Variants in MAD1L1 observed in about 807,000 individuals in gnomAD.
The protein encoded by MAD1L1 is mitotic arrest deficient 1 like 1.
A neutral mutation model predicts 96.9 loss-of-function variants in MAD1L1; 95 were observed. The observed-to-expected ratio is 0.98, with a 90% CI of 0.83 to 1.16. MAD1L1 has a LOEUF of 1.16. MAD1L1 is among the 50% of genes most tolerant of loss of function. The pLI is 0.00. For missense variants in MAD1L1, 1,007 were observed against 954.4 expected, an observed-to-expected ratio of 1.06 and a Z score of -0.73; for synonymous variants, 473 against 396.6, an observed-to-expected ratio of 1.19 and a Z score of -2.29.
In MAD1L1 at chr7:1,904,213, G is replaced by A. The variant is rs529181779; in HGVS notation, c.1808-5823C>T. On this transcript the variant is annotated intron_variant, in intron 17 of 18. Transcript: ENST00000265854. ...AAGCACTGTTCCAGGCAGCGAGCAC[G>A]CAGTGGCCTATTGAAGAAGCTCTTG... 1.9e-3 allele frequency among the ~76,000 whole-genome samples: 272 copies of A among 145,782 alleles called. 3 individuals are homozygous for A. The highest frequency in any genetic ancestry group is 6.9e-3 in the African/African-American group (255 of 37,202).
chr7:2,128,252 C>T (rs891780538), intron 11 of MAD1L1, among the ~76,000 whole-genome samples: 8 of 152,276 alleles, frequency 5.3e-5, no homozygotes, highest in African/African-American at 9.6e-5. Context: ...GTCACTGAAT[C>T]GCATTTGTCA....
chr7:2,176,986 G>A (rs1234413379), intron 10 of MAD1L1, among the ~76,000 whole-genome samples: 1 of 152,220 alleles, frequency 6.6e-6, no homozygotes, highest in African/African-American at 2.4e-5. Context: ...CCTTCTCCAG[G>A]TGAACTGTGA....
chr7:2,221,903 A>G (rs139125992), intron 5 of MAD1L1, among the ~76,000 whole-genome samples: 120 of 152,286 alleles, frequency 7.9e-4, no homozygotes, highest in African/African-American at 2.8e-3. Flanking sequence ...TAGGGACCTT[A>G]TAACCCAGTC....
At chr7:2,143,958 T>C (rs1028945588) in intron 11 of MAD1L1, among the ~76,000 whole-genome samples, 1 of 152,104 alleles carries the variant, frequency 6.6e-6, no homozygotes, top group Non-Finnish European at 1.5e-5. Flanking sequence ...GGAGGATGCC[T>C]GGGGCTTCAA....
chr7:1,860,703 G>A (rs1419695086), intron 18 of MAD1L1, among the ~76,000 whole-genome samples: 1 of 152,166 alleles, frequency 6.6e-6, no homozygotes, highest in East Asian at 1.9e-4. Flanking sequence ...CAGGGAATAA[G>A]GATCCCCTGG....
Position 1,980,465 on chromosome 7 carries a change from G to C in MAD1L1, c.1493C>G (p.Ala498Gly), listed in dbSNP as rs759285462. Residue 498 changes from alanine to glycine, a missense_variant, in exon 15 of 19, where the codon GCG becomes GGG. Coordinates refer to ENST00000265854, the MANE Select transcript of MAD1L1 (RefSeq NM_001013836.2). ...EQSFLFSREE[A>G]DTLRLKVEEL... ...CTGGGGGACGTACCTGAGCGTGTCC[G>C]CCTCCTCCCTGGAGAACAGGAAGCT... 1.9e-6 allele frequency: 3 copies of C among 1,612,114 alleles called. No homozygotes were observed. In the South Asian group the frequency reaches 3.3e-5, roughly 18 times the overall value.
intron 18 of MAD1L1, 41 bp downstream of exon 18, chr7:1,898,157 CAG>C (rs1562501775): frequency 6.4e-7 from 1 of 1,554,450 alleles, no homozygotes; most frequent in Non-Finnish European, 8.7e-7. Context: ...CAGGAGGAGA[CAG>C]AGAGCGAGAC....
intron 14 of MAD1L1, among the ~76,000 whole-genome samples, chr7:1,998,739 C>A (rs1165351120): frequency 4.3e-4 from 58 of 135,048 alleles, no homozygotes; most frequent in African/African-American, 1.6e-3. Context: ...CCCCTGCCAA[C>A]CCCCCGCCAA....
At chr7:2,080,093 G>A (rs573719389) in intron 11 of MAD1L1, 1 of 199,588 alleles carries the variant, frequency 5.0e-6, no homozygotes, top group South Asian at 8.3e-5. Context: ...CCAACAGGCA[G>A]GCAGCAGGCG....
chr7:1,921,272 T>TA, intron 17 of MAD1L1, among the ~76,000 whole-genome samples: 2 of 152,052 alleles, frequency 1.3e-5, no homozygotes, highest in East Asian at 1.9e-4. Context: ...GTAATTTCAG[T>TA]AAAAAATAAA....
intron 18 of MAD1L1, among the ~76,000 whole-genome samples, chr7:1,880,968 G>C (rs1335812070): frequency 6.6e-6 from 1 of 152,242 alleles, no homozygotes; most frequent in East Asian, 1.9e-4. Flanking sequence ...CTGACAGAGG[G>C]CTCTCTAGGC....
chr7:1,834,459 C>T (rs1189351047), intron 18 of MAD1L1, among the ~76,000 whole-genome samples: 1 of 152,126 alleles, frequency 6.6e-6, no homozygotes, highest in Admixed American at 6.5e-5. Flanking sequence ...CACTACAGAT[C>T]CTACAGATGT....
At chr7:2,213,756 G>A (rs967062384) in intron 9 of MAD1L1, among the ~76,000 whole-genome samples, 1 of 152,218 alleles carries the variant, frequency 6.6e-6, no homozygotes, top group Non-Finnish European at 1.5e-5. Flanking sequence ...CCCTAGGAGA[G>A]GAGGGCAGCC....
chr7:1,927,232 G>A (rs929284212), intron 17 of MAD1L1, among the ~76,000 whole-genome samples: 3 of 152,134 alleles, frequency 2.0e-5, no homozygotes, highest in Admixed American at 2.0e-4. Context: ...AAGAAAATAA[G>A]AAGAACGTAA....
At chr7:2,092,483 GC>G (rs1333951715) in intron 11 of MAD1L1, among the ~76,000 whole-genome samples, 1 of 151,400 alleles carries the variant, frequency 6.6e-6, no homozygotes, top group African/African-American at 2.4e-5. Flanking sequence ...TTTCAACCAC[GC>G]CCCGCCTAAG....
At chr7:1,980,352 G>T in intron 15 of MAD1L1, 101 bp downstream of exon 15, 1 of 958,620 alleles carries the variant, frequency 1.0e-6, no homozygotes, top group Non-Finnish European at 1.6e-6. Flanking sequence ...GGACACACCT[G>T]GGCGTATCTG....
intron 16 of MAD1L1, among the ~76,000 whole-genome samples, chr7:1,948,620 C>A (rs548979790): frequency 1.9e-4 from 29 of 152,322 alleles, no homozygotes; most frequent in African/African-American, 6.7e-4. Context: ...CTGGTTCCAG[C>A]AAGGGTCAGG....
intron 16 of MAD1L1, among the ~76,000 whole-genome samples, chr7:1,945,675 G>A (rs1487577661): frequency 1.3e-5 from 2 of 152,236 alleles, no homozygotes; most frequent in Admixed American, 6.5e-5. Context: ...CCTCTTTCAT[G>A]TATTCTGCTG....
At chr7:1,910,522 G>C (rs1400780545) in intron 17 of MAD1L1, among the ~76,000 whole-genome samples, 2 of 152,242 alleles carry the variant, frequency 1.3e-5, no homozygotes, top group Non-Finnish European at 2.9e-5. Flanking sequence ...GCTGGGCACT[G>C]CCCTGGGGGC....
Sources: gnomAD v4.1 joint callset for allele counts (sites outside exome capture counted in the v4.1 genomes callset) on GRCh38, gnomAD v4.1.1 for gene constraint, MANE v1.5 for transcripts, NCBI Gene and HGNC (gene_info 2026-07-23, HGNC 2026-07-21) for gene names.